Variants in USF3 observed in about 807,000 individuals in gnomAD.
USF3 encodes basic helix-loop-helix domain-containing protein USF3.
In USF3, 29 loss-of-function variants were observed where a neutral mutation model predicts 157.5. That is an observed-to-expected ratio of 0.18 (90% CI 0.14 to 0.25). The LOEUF is 0.25. Ranked by LOEUF, USF3 falls within the 10% of genes least tolerant of loss-of-function variation. The probability of loss-of-function intolerance (pLI) is 1.00; values close to 1 mark genes in which losing one functional copy is unlikely to be tolerated. For missense variants in USF3, 2,381 were observed against 2,667.6 expected (o/e 0.89, Z 2.37); for synonymous variants, 893 against 941.4 (o/e 0.95, Z 0.94).
At chr3:113,679,020 T>TCC (rs1482393711) in intron 1 of USF3, among the ~76,000 whole-genome samples, 3 of 150,970 alleles carry the variant, frequency 2.0e-5, no homozygotes, top group Non-Finnish European at 4.4e-5. Flanking sequence ...TCTCTCTCTC[T>TCC]CTCTCTCTCT....
At position 113,675,588 on chromosome 3, in the gene USF3, G is replaced by A. The variant is rs539922610; in HGVS notation, c.-18-692C>T. The stretch of plus-strand genomic sequence containing the variant: ...TAATATATTAATCATAGTTAAGTAA[G>A]GGTAGTGATATTTTGGTGATTTCAT... On this transcript the variant is annotated intron_variant, in intron 2 of 6. Coordinates refer to ENST00000316407, the MANE Select transcript of USF3 (RefSeq NM_001009899.4). Among the ~76,000 whole-genome samples, 16 of 152,284 alleles carry A rather than the reference G, an allele frequency of 1.1e-4. No homozygotes were observed. In the South Asian group the frequency reaches 2.5e-3, roughly 24 times the overall value.
chr3:113,676,031 A>G (rs1453212228), intron 2 of USF3, among the ~76,000 whole-genome samples: 1 of 152,168 alleles, frequency 6.6e-6, no homozygotes. Flanking sequence ...CCACATCACT[A>G]TCAGCATTTT....
chr3:113,657,632 G>T lies in USF3; in HGVS notation c.4050C>A (p.Ala1350=). 1 of 1,614,172 alleles carries T rather than the reference G, an allele frequency of 6.2e-7. No individual in the cohort carries two copies. The highest frequency in any genetic ancestry group is 8.5e-7 in the Non-Finnish European group (1 of 1,180,042). The change falls in exon 7 of 7, where the codon GCC becomes GCA. Residue 1350 remains alanine, a synonymous_variant. Transcript: ENST00000316407. ...GGGACATACTTTCAAGCCTGAGGGG[G>T]GCTGGCTGACAGTGCTTTTGACGTT... ...SAKRQKHCQP[A]PLRLESMSLM... is the part of the protein sequence containing the mutation.
intron 2 of USF3, among the ~76,000 whole-genome samples, chr3:113,676,057 A>G (rs1421204792): frequency 6.6e-6 from 1 of 152,182 alleles, no homozygotes; most frequent in East Asian, 1.9e-4. Flanking sequence ...AAATCATTCA[A>G]CAAGTCTCCA....
chr3:113,653,720 A>G lies in USF3; in HGVS notation c.*1224T>C, dbSNP rs1236756485. On this transcript the variant is annotated 3_prime_UTR_variant, in exon 7 of 7. Transcript: ENST00000316407. ...AGGCCTGTTTTTAAAGGACCAATTC[A>G]TACTTTAAAATATGTGTACACACAC... The G allele has an allele frequency of 2.0e-5, 3 of 152,004 alleles. No homozygotes were observed. The highest frequency in any genetic ancestry group is 7.3e-5 in the African/African-American group (3 of 41,364). 9.4% of individuals were successfully genotyped at this position (152,004 alleles called of 1,614,324 possible). A position where few individuals can be genotyped will look rare whatever the true frequency, so the allele number is the denominator to read the frequency against.
At chr3:113,666,605 T>C (rs1454884837) in intron 5 of USF3, among the ~76,000 whole-genome samples, 10 of 139,958 alleles carry the variant, frequency 7.1e-5, no homozygotes, top group Admixed American at 4.5e-4. Context: ...AGACTCCTGC[T>C]CTGTCGCCCG....
intron 1 of USF3, among the ~76,000 whole-genome samples, chr3:113,685,840 A>G (rs966083558): frequency 1.3e-5 from 2 of 152,122 alleles, no homozygotes; most frequent in African/African-American, 4.8e-5. Flanking sequence ...GTCATCCAGA[A>G]GCTATGGTCT....
chr3:113,671,495 T>G (rs1707151719), intron 4 of USF3, among the ~76,000 whole-genome samples: 1 of 152,184 alleles, frequency 6.6e-6, no homozygotes, highest in Non-Finnish European at 1.5e-5. Flanking sequence ...GCTTAAGTGT[T>G]ACAAATTTAA....
Position 113,660,642 on chromosome 3 carries a change from G to A in USF3, c.1040C>T (p.Pro347Leu), listed in dbSNP as rs775933281. ...VSVTTTVCSQ[P>L]PRTAGDSSPM... Reference sequence around the variant, plus strand: ...AGAAGAATCACCTGCAGTTCTGGGAGGCTGCGAGCAGACTGTGGTGGTAAC... The same window carrying A: ...AGAAGAATCACCTGCAGTTCTGGGAAGCTGCGAGCAGACTGTGGTGGTAAC... Residue 347 changes from proline to leucine, a missense_variant, in exon 7 of 7, where the codon CCT (proline) becomes CTT (leucine). Physicochemically the swap from Pro to Leu is moderately conservative, Grantham distance 98 (BLOSUM62 -3). Around this residue, in one of 6 missense-constraint regions of USF3, gnomAD observed 1,435 missense variants for 1,550.9 expected, o/e 0.93. Coordinates refer to ENST00000316407, the MANE Select transcript of USF3 (RefSeq NM_001009899.4). The A allele has an allele frequency of 5.6e-6, 9 of 1,614,074 alleles. No homozygotes were observed. In the Admixed American group the frequency reaches 8.3e-5, roughly 15 times the overall value.
In USF3 at chr3:113,660,747, G is replaced by A. The variant is rs370074833; in HGVS notation, c.935C>T (p.Thr312Ile). The change falls in exon 7 of 7, where the codon ACT becomes ATT. Residue 312 changes from threonine (T) to isoleucine (I), a missense_variant. Around this residue, in one of 6 missense-constraint regions of USF3, gnomAD observed 1,435 missense variants for 1,550.9 expected, o/e 0.93. Transcript: ENST00000316407. ...GGACTTGTTTCCATGGTGCACTTTA[G>A]TGGCAGTTGCTGAGGAGCTGTGGGG... is the stretch of plus-strand genomic sequence containing the variant. ...NIPHSSSATA[T>I]KVHHGNKSCL... 2 of 1,614,112 alleles carry A rather than the reference G, an allele frequency of 1.2e-6. No homozygotes were observed. Among genetic ancestry groups the A allele is most frequent in the African/African-American group, 1.3e-5 (1 of 74,946 alleles).
At chr3:113,679,408 GTTC>G (rs922717418) in intron 1 of USF3, among the ~76,000 whole-genome samples, 25 of 140,252 alleles carry the variant, frequency 1.8e-4, no homozygotes, top group East Asian at 1.5e-3. Context: ...AACAGAGAAA[GTTC>G]TTTTTTTTTT....
Position 113,653,200 on chromosome 3 carries a change from C to T in USF3, c.*1744G>A, listed in dbSNP as rs13065268. 0.28 allele frequency: 45,288 copies of T among 159,992 alleles called. 7,679 individuals are homozygous for T. The highest frequency in any genetic ancestry group is 0.38 in the Non-Finnish European group (27,767 of 73,142). The allele number at this position is 159,992 out of a possible 1,614,324, so 9.9% of individuals were successfully genotyped here. On this transcript the variant is annotated 3_prime_UTR_variant, in exon 7 of 7. Transcript: ENST00000316407. The stretch of plus-strand genomic sequence containing the variant: ...CAAGAACAAAAAGTAATGGACTTCA[C>T]AGGTTTAAGAAAAGGAATATATGCC...
rs1947478317 is a variant in USF3, at chr3:113,661,141, C to T, written c.541G>A (p.Ala181Thr). 3.1e-6 allele frequency: 5 copies of T among 1,614,136 alleles called. No individual in the cohort carries two copies. Among genetic ancestry groups the T allele is most frequent in the Non-Finnish European group, 4.2e-6 (5 of 1,179,986 alleles). ...GTCCTCTGTACTGGCACCACATTGG[C>T]GGTCTGCTTTTGTAAATTATGACTA... ...NVSHNLQKQT[A>T]NVVPVQRTCN... Residue 181 changes from alanine to threonine, a missense_variant, in exon 7 of 7, where the codon GCC becomes ACC. By Grantham distance (58) the Ala-to-Thr change is moderately conservative. This residue lies in a region of USF3 where 1,435 missense variants were observed against 1,550.9 expected (regional missense o/e 0.93). Transcript: ENST00000316407.
At chr3:113,670,262 T>A (rs892151243) in intron 4 of USF3, 59 bp from the exon 5 acceptor site, 5 of 945,884 alleles carry the variant, frequency 5.3e-6, no homozygotes, top group Non-Finnish European at 8.7e-6. Flanking sequence ...GTGCCCTCAT[T>A]CAACCACGGT....
At chr3:113,667,505 G>A (rs1221064671) in intron 5 of USF3, among the ~76,000 whole-genome samples, 2 of 152,180 alleles carry the variant, frequency 1.3e-5, no homozygotes, top group Non-Finnish European at 2.9e-5. Context: ...GAGATGTGGA[G>A]AAAGAAAAAC....
In USF3 at chr3:113,656,249, A is replaced by T; in HGVS notation, c.5433T>A (p.Ser1811Arg). The change falls in exon 7 of 7, where the codon AGT (serine) becomes AGA (arginine). Residue 1811 changes from serine (S) to arginine (R), a missense_variant. Physicochemically the swap from Ser to Arg is moderately radical, Grantham distance 110. Around this residue, in one of 6 missense-constraint regions of USF3, gnomAD observed 770 missense variants for 824.2 expected, o/e 0.93. Coordinates refer to ENST00000316407, the MANE Select transcript of USF3 (RefSeq NM_001009899.4). ...PTGNGIPSRDSENTCHQSFMQ... is the reference protein window; with the variant it reads ...PTGNGIPSRDRENTCHQSFMQ... ...TGAAACTTTGGTGACAAGTATTTTC[A>T]CTGTCCCTTGATGGAATACCATTTC... The T allele has an allele frequency of 6.2e-7, 1 of 1,614,118 alleles. No homozygotes were observed. The highest frequency in any genetic ancestry group is 8.5e-7 in the Non-Finnish European group (1 of 1,179,986).
At chr3:113,666,248 CT>C (rs1232834885) in intron 5 of USF3, among the ~76,000 whole-genome samples, 147 of 101,782 alleles carry the variant, frequency 1.4e-3, no homozygotes, top group African/African-American at 3.2e-3. Context: ...AGACATCTTT[CT>C]TTTTTTTTTT....
Position 113,658,560 on chromosome 3 carries a change from G to A in USF3, c.3122C>T (p.Ser1041Leu). 1 of 1,613,804 alleles carries A rather than the reference G, an allele frequency of 6.2e-7. No individual in the cohort carries two copies. The highest frequency in any genetic ancestry group is 8.5e-7 in the Non-Finnish European group (1 of 1,179,908). ...CTGTTTGGGATGTAAATTCACACTT[G>A]AATCAACTATTTTAGGATTTTCTGA... Reference protein sequence around the residue: ...FSSENPKIVDSSVNLHPKQEL... With the variant: ...FSSENPKIVDLSVNLHPKQEL... The change falls in exon 7 of 7, where the codon TCA becomes TTA. Residue 1041 changes from serine to leucine, a missense_variant. By Grantham distance (145) the Ser-to-Leu change is moderately radical (BLOSUM62 -2). Transcript: ENST00000316407.
rs755745381 is a variant in USF3, at chr3:113,659,346, G to T, written c.2336C>A (p.Ser779Tyr). Residue 779 changes from serine to tyrosine, a missense_variant, in exon 7 of 7, where the codon TCC (serine) becomes TAC (tyrosine). Ser to Tyr is a moderately radical substitution (Grantham distance 144, BLOSUM62 -2). Transcript: ENST00000316407. ...LASTYNLVST[S>Y]SMNTVACLPN... ...CAAACAAGCAACAGTGTTCATTGAG[G>T]AAGTACTCACTAGATTATAAGTACT... 4.3e-6 allele frequency: 7 copies of T among 1,614,074 alleles called. No individual in the cohort carries two copies. In the East Asian group the frequency reaches 1.6e-4, roughly 36 times the overall value.
Sources: allele counts gnomAD v4.1 joint callset (sites outside exome capture counted in the v4.1 genomes callset), GRCh38; gene constraint gnomAD v4.1.1; regional missense constraint gnomAD v4.1.1; transcripts MANE v1.5; gene names NCBI Gene and HGNC (gene_info 2026-07-23, HGNC 2026-07-21).